The following FHIT variants were observed in gnomAD, a reference collection of about 807,000 sequenced individuals.
The protein encoded by FHIT is bis(5'-adenosyl)-triphosphatase.
FHIT carries 19 observed loss-of-function variants against 17.9 expected under a neutral mutation model. The ratio of observed to expected loss-of-function variants is 1.06; its 90% confidence interval spans 0.74 to 1.56. FHIT has a LOEUF of 1.56. Ranked by LOEUF, FHIT falls within the 40% of genes most tolerant of loss-of-function variation. FHIT has a pLI of 0.00. For synonymous variants in FHIT, 81 were observed against 69.7 expected, an observed-to-expected ratio of 1.16 and a Z score of -0.81; for missense variants, 248 against 189.2, an observed-to-expected ratio of 1.31 and a Z score of -1.82.
chr3:60,718,357 G>C (rs2041734361), intron 4 of FHIT, among the ~76,000 whole-genome samples: 1 of 152,152 alleles, frequency 6.6e-6, no homozygotes, highest in South Asian at 2.1e-4. Flanking sequence ...AGAGTGGGCA[G>C]GAACATTCTA....
intron 4 of FHIT, among the ~76,000 whole-genome samples, chr3:60,744,137 A>G (rs570079932): frequency 1.3e-5 from 2 of 151,962 alleles, no homozygotes; most frequent in African/African-American, 4.8e-5. Flanking sequence ...TACTATTTCA[A>G]TGCCTGGTAA....
intron 3 of FHIT, among the ~76,000 whole-genome samples, chr3:60,941,604 T>C (rs1235802326): frequency 6.6e-6 from 1 of 152,236 alleles, no homozygotes; most frequent in Admixed American, 6.5e-5. Flanking sequence ...GACTATGTTC[T>C]TAGGATTTAA....
chr3:60,142,280 G>T (rs1484740894), intron 5 of FHIT, among the ~76,000 whole-genome samples: 1 of 152,102 alleles, frequency 6.6e-6, no homozygotes, highest in Non-Finnish European at 1.5e-5. Context: ...AGCTCATAAG[G>T]TTGCTGTGGG....
chr3:60,962,972 T>C (rs1709536587), intron 3 of FHIT, among the ~76,000 whole-genome samples: 1 of 152,218 alleles, frequency 6.6e-6, no homozygotes, highest in Non-Finnish European at 1.5e-5. Context: ...TTTCCTCTTT[T>C]TCTCTTGATT....
intron 3 of FHIT, among the ~76,000 whole-genome samples, chr3:60,994,941 T>C (rs2030543426): frequency 6.6e-6 from 1 of 152,186 alleles, no homozygotes; most frequent in Non-Finnish European, 1.5e-5. Flanking sequence ...AATCTAGAAA[T>C]CCAGCTTTTT....
chr3:60,304,714 T>C (rs538407411), intron 5 of FHIT, among the ~76,000 whole-genome samples: 97 of 152,106 alleles, frequency 6.4e-4, no homozygotes, highest in Admixed American at 8.5e-4. Context: ...TTATCTGAAA[T>C]TCAAATTCAG....
intron 5 of FHIT, among the ~76,000 whole-genome samples, chr3:60,166,836 T>G (rs538747092): frequency 6.6e-6 from 1 of 152,192 alleles, no homozygotes; most frequent in East Asian, 1.9e-4. Context: ...ATACCAAATA[T>G]TATATCTAGG....
At chr3:60,487,480 C>T (rs71313774) in intron 5 of FHIT, among the ~76,000 whole-genome samples, 2,848 of 152,276 alleles carry the variant, frequency 0.019, 32 homozygotes, top group Non-Finnish European at 0.028. Flanking sequence ...TTCTGCTCTA[C>T]GACACCTGGA....
chr3:60,377,258 G>A (rs565694203), intron 5 of FHIT, among the ~76,000 whole-genome samples: 2 of 150,180 alleles, frequency 1.3e-5, no homozygotes, highest in South Asian at 4.2e-4. Flanking sequence ...GAGTGCAGTG[G>A]TGCGATCTCG....
intron 5 of FHIT, among the ~76,000 whole-genome samples, chr3:60,095,053 T>G (rs534885819): frequency 6.6e-6 from 1 of 152,252 alleles, no homozygotes; most frequent in Non-Finnish European, 1.5e-5. Flanking sequence ...AATGAACGCT[T>G]TGAATGCTCA....
intron 4 of FHIT, among the ~76,000 whole-genome samples, chr3:60,775,859 C>A (rs1700202405): frequency 6.6e-6 from 1 of 152,150 alleles, no homozygotes; most frequent in African/African-American, 2.4e-5. Context: ...GCTGTCCCAG[C>A]CTTCCCCTTC....
At chr3:59,976,565 AAAGGGGTG>A (rs778217468) in intron 7 of FHIT, among the ~76,000 whole-genome samples, 5 of 152,040 alleles carry the variant, frequency 3.3e-5, no homozygotes, top group Non-Finnish European at 7.4e-5. Flanking sequence ...AGAAAAAGAA[AAAGGGGTG>A]AAATTCTAAT....
At chr3:61,071,793 T>C (rs1206052208) in intron 2 of FHIT, among the ~76,000 whole-genome samples, 2 of 152,178 alleles carry the variant, frequency 1.3e-5, no homozygotes, top group Non-Finnish European at 2.9e-5. Context: ...AAGACAAAGA[T>C]GAAATACCCC....
intron 2 of FHIT, among the ~76,000 whole-genome samples, chr3:61,062,011 G>T (rs1012685378): frequency 5.3e-5 from 8 of 152,188 alleles, no homozygotes; most frequent in African/African-American, 1.4e-4. Flanking sequence ...AGAGATGCTT[G>T]TTAATGGCTG....
At chr3:59,868,019 T>TAC (rs1295156645) in intron 8 of FHIT, among the ~76,000 whole-genome samples, 2 of 132,830 alleles carry the variant, frequency 1.5e-5, no homozygotes, top group African/African-American at 5.8e-5. Flanking sequence ...ATGAATGAAC[T>TAC]ACTGCTGTGG....
At chr3:61,168,355 G>C (rs1222493513) in intron 2 of FHIT, among the ~76,000 whole-genome samples, 1 of 152,124 alleles carries the variant, frequency 6.6e-6, no homozygotes, top group Non-Finnish European at 1.5e-5. Flanking sequence ...AGAAATAAAA[G>C]TAACAAACAC....
chr3:60,444,958 G>T (rs1053136795), intron 5 of FHIT, among the ~76,000 whole-genome samples: 9 of 151,998 alleles, frequency 5.9e-5, no homozygotes, highest in African/African-American at 2.2e-4. Context: ...AGGAGAAACT[G>T]CCCAAAGACC....
chr3:60,562,059 G>A (rs1487648020), intron 4 of FHIT, among the ~76,000 whole-genome samples: 1 of 152,124 alleles, frequency 6.6e-6, no homozygotes, highest in East Asian at 1.9e-4. Flanking sequence ...CTATGTTTGA[G>A]TTCTCATTCA....
chr3:60,430,747 T>C (rs1041237651), intron 5 of FHIT, among the ~76,000 whole-genome samples: 2 of 152,114 alleles, frequency 1.3e-5, no homozygotes, highest in African/African-American at 4.8e-5. Flanking sequence ...TACTGAACTT[T>C]GGGAGATTAC....
Sources: allele counts gnomAD v4.1 joint callset (sites outside exome capture counted in the v4.1 genomes callset), GRCh38; gene constraint gnomAD v4.1.1; transcripts MANE v1.5; gene names NCBI Gene and HGNC (gene_info 2026-07-23, HGNC 2026-07-21).